Variants in DPYSL5 observed in about 807,000 individuals in gnomAD.
DPYSL5 encodes dihydropyrimidinase-related protein 5.
In DPYSL5, 9 loss-of-function variants were observed where a neutral mutation model predicts 58.4. That is an observed-to-expected ratio of 0.15 (90% CI 0.09 to 0.27). The LOEUF (loss-of-function observed/expected upper bound fraction) is 0.27, where lower values mean the gene tolerates loss of function less well. Among genes scored for constraint, DPYSL5 ranks in the 10% least tolerant of loss-of-function variants. The pLI, the probability that DPYSL5 is intolerant of heterozygous loss-of-function variation, is 1.00. For missense variants in DPYSL5, 499 were observed against 770.6 expected (o/e 0.65, Z 4.17); for synonymous variants, 293 against 301.9 (o/e 0.97, Z 0.31).
Position 26,940,027 on chromosome 2 carries a change from C to T in DPYSL5, c.948-4C>T. On this transcript the variant is annotated splice_polypyrimidine_tract_variant and splice_region_variant and intron_variant, in intron 8 of 12. Coordinates refer to ENST00000288699, the MANE Select transcript of DPYSL5 (RefSeq NM_020134.4). The stretch of plus-strand genomic sequence containing the variant: ...TTACTGGTCACCTCCTTTTCTCTAC[C>T]CAGTGACACTCTGAACATCGTGGCA... 1 of 1,614,140 alleles carries T rather than the reference C, an allele frequency of 6.2e-7. No homozygotes were observed. Among genetic ancestry groups the T allele is most frequent in the Non-Finnish European group, 8.5e-7 (1 of 1,180,004 alleles).
intron 1 of DPYSL5, among the ~76,000 whole-genome samples, chr2:26,896,511 C>T (rs755504667): frequency 6.6e-6 from 1 of 152,196 alleles, no homozygotes; most frequent in Non-Finnish European, 1.5e-5. Context: ...CAACAGTGTA[C>T]AAGAGTTCCC....
chr2:26,923,330 C>T (rs1452650978), intron 2 of DPYSL5, among the ~76,000 whole-genome samples: 1 of 152,140 alleles, frequency 6.6e-6, no homozygotes, highest in East Asian at 1.9e-4. Context: ...GACCCAGTCT[C>T]AAACAAAAAC....
Position 26,944,637 on chromosome 2 carries a change from T to C in DPYSL5, c.1441-19T>C. On this transcript the variant is annotated intron_variant, in intron 11 of 12. Transcript: ENST00000288699. The surrounding 1 kb of genome is among the most constrained non-coding windows in gnomAD (Gnocchi z 4.4). ...ATGGTGTTGTCCTGTTCTTCTGCTC[T>C]TCTTCCATCCTTCCCTAGACTTTAA... The C allele has an allele frequency of 6.2e-7, 1 of 1,611,472 alleles. No individual in the cohort carries two copies. Among genetic ancestry groups the C allele is most frequent in the Non-Finnish European group, 8.5e-7 (1 of 1,178,468 alleles).
intron 1 of DPYSL5, among the ~76,000 whole-genome samples, chr2:26,856,773 T>A (rs2148106096): frequency 6.6e-6 from 1 of 151,716 alleles, no homozygotes; most frequent in South Asian, 2.1e-4. Flanking sequence ...TCCTAAAGAC[T>A]GGCACAATAT....
Position 26,921,452 on chromosome 2 carries a change from C to A in DPYSL5, c.262-3435C>A, listed in dbSNP as rs1180216580. On this transcript the variant is annotated intron_variant, in intron 2 of 12. Transcript: ENST00000288699. Reference sequence around the variant, plus strand: ...CAATCACATGTTCTTAAACATCATCCTTTTGAAAGCCTCGGGAACACAATT... The same window carrying A: ...CAATCACATGTTCTTAAACATCATCATTTTGAAAGCCTCGGGAACACAATT... 2.6e-5 allele frequency among the ~76,000 whole-genome samples: 4 copies of A among 152,176 alleles called. No individual in the cohort carries two copies. In the East Asian group the frequency reaches 7.7e-4, roughly 29 times the overall value.
At chr2:26,848,989 G>T (rs1484935375) in intron 1 of DPYSL5, among the ~76,000 whole-genome samples, 1 of 152,184 alleles carries the variant, frequency 6.6e-6, no homozygotes, top group African/African-American at 2.4e-5. Flanking sequence ...TGGGGACGGG[G>T]CTGTAGTCTG....
rs1466356833 is a variant in DPYSL5 at position 26,890,924 on chromosome 2, C to T, written c.-4-7572C>T. Among the ~76,000 whole-genome samples the T allele has an allele frequency of 3.9e-5, 6 of 152,306 alleles. No individual in the cohort carries two copies. The East Asian group carries it at 1.2e-3, about 29-fold the overall frequency. ...CCAGGACACTAATCCTAGCAGATCA[C>T]GGCCCTGCCCTATGACCTCATTTAA... On this transcript the variant is annotated intron_variant, in intron 1 of 12. Transcript: ENST00000288699.
In DPYSL5 at chr2:26,942,485, G is replaced by A; in HGVS notation, c.1233-58G>A. 2 of 1,550,354 alleles carry A rather than the reference G, an allele frequency of 1.3e-6. No individual in the cohort carries two copies. Among genetic ancestry groups the A allele is most frequent in the South Asian group, 1.2e-5 (1 of 85,746 alleles). ...CTTTGGGGCTCACCCCTCCCATGGAGCTGTGACATTTTGACCTGTCCTCAG... is the reference window on the plus strand; with the variant it reads ...CTTTGGGGCTCACCCCTCCCATGGAACTGTGACATTTTGACCTGTCCTCAG... On this transcript the variant is annotated intron_variant, in intron 10 of 12. Coordinates refer to ENST00000288699, the MANE Select transcript of DPYSL5 (RefSeq NM_020134.4). The surrounding 1 kb of genome is among the most constrained non-coding windows in gnomAD (Gnocchi z 5.9).
chr2:26,934,531 C>G lies in DPYSL5; in HGVS notation c.791-47C>G. The G allele has an allele frequency of 6.3e-7, 1 of 1,589,490 alleles. No individual in the cohort carries two copies. The highest frequency in any genetic ancestry group is 8.6e-7 in the Non-Finnish European group (1 of 1,166,958). On this transcript the variant is annotated intron_variant, in intron 7 of 12. Coordinates refer to ENST00000288699, the MANE Select transcript of DPYSL5 (RefSeq NM_020134.4). The surrounding 1 kb of genome is among the most constrained non-coding windows in gnomAD (Gnocchi z 4.3). ...TGAGAGGCACACACCAGCGATCGCT[C>G]AGGTTCGGTGGCTTCCTGGTTATGG...
At chr2:26,915,726 C>CA (rs1408015913) in intron 2 of DPYSL5, among the ~76,000 whole-genome samples, 1 of 151,864 alleles carries the variant, frequency 6.6e-6, no homozygotes, top group African/African-American at 2.4e-5. Flanking sequence ...TGATTTCCCC[C>CA]AAAACCTTCC....
chr2:26,921,601 T>C (rs1266915278), intron 2 of DPYSL5, among the ~76,000 whole-genome samples: 1 of 152,192 alleles, frequency 6.6e-6, no homozygotes, highest in Non-Finnish European at 1.5e-5. Flanking sequence ...ATCCTGTGGG[T>C]TGGAATGGTA....
chr2:26,909,093 A>G lies in DPYSL5; in HGVS notation c.261+10333A>G, dbSNP rs1006362838. On this transcript the variant is annotated intron_variant, in intron 2 of 12. Transcript: ENST00000288699. ...TAGAAATTTGCGTAGGTGCCAGATC[A>G]TCTCCCCTGGATAGTTTCAGCCTCA... Among the ~76,000 whole-genome samples the G allele has an allele frequency of 2.6e-5, 4 of 152,172 alleles. No individual in the cohort carries two copies. In the East Asian group the frequency reaches 7.7e-4, roughly 29 times the overall value.
chr2:26,933,446 C>A lies in DPYSL5; in HGVS notation c.790+113C>A. Reference sequence around the variant, plus strand: ...CCGGCTCCTGAAACCAGGACCTGAGCCAGCCCTTCCCTTTCATCTGCCACC... The same window carrying A: ...CCGGCTCCTGAAACCAGGACCTGAGACAGCCCTTCCCTTTCATCTGCCACC... On this transcript the variant is annotated intron_variant, in intron 7 of 12. Coordinates refer to ENST00000288699, the MANE Select transcript of DPYSL5 (RefSeq NM_020134.4). This position sits in a 1 kb window ranked among gnomAD's most constrained non-coding sequence, Gnocchi z 4.2. The A allele has an allele frequency of 1.1e-6, 1 of 925,650 alleles. No homozygotes were observed. Among genetic ancestry groups the A allele is most frequent in the Non-Finnish European group, 1.7e-6 (1 of 585,714 alleles). The allele number at this position is 925,650 out of a possible 1,614,324, so 57.3% of individuals were successfully genotyped here. A position where few individuals can be genotyped will look rare whatever the true frequency, so the allele number is the denominator to read the frequency against.
chr2:26,942,191 T>G lies in DPYSL5; in HGVS notation c.1232+99T>G. 2 of 1,537,240 alleles carry G rather than the reference T, an allele frequency of 1.3e-6. No homozygotes were observed. The highest frequency in any genetic ancestry group is 1.8e-6 in the Non-Finnish European group (2 of 1,136,712). On this transcript the variant is annotated intron_variant, in intron 10 of 12. Transcript: ENST00000288699. This position sits in a 1 kb window ranked among gnomAD's most constrained non-coding sequence, Gnocchi z 5.9. Reference sequence around the variant, plus strand: ...AAAGCATATAATTTTGCACTATTTCTAGCACAAAATATGGCCCTGGCCTAC... The same window carrying G: ...AAAGCATATAATTTTGCACTATTTCGAGCACAAAATATGGCCCTGGCCTAC...
chr2:26,883,744 T>A (rs374162588), intron 1 of DPYSL5, among the ~76,000 whole-genome samples: 135 of 152,298 alleles, frequency 8.9e-4, no homozygotes, highest in Non-Finnish European at 1.1e-3. Flanking sequence ...AACTATTGTT[T>A]GCAAGATGCT....
Position 26,933,745 on chromosome 2 carries a change from C to T in DPYSL5, c.790+412C>T, listed in dbSNP as rs1330682268. 6.6e-6 allele frequency among the ~76,000 whole-genome samples: 1 copy of T among 152,156 alleles called. No individual in the cohort carries two copies. The highest frequency in any genetic ancestry group is 1.5e-5 in the Non-Finnish European group (1 of 68,036). ...GTTTGGGAAGTCCCTAAAGAAAGAACAGTGTGTGGGCCCAGCTTCCTTTTA... is the reference window on the plus strand; with the variant it reads ...GTTTGGGAAGTCCCTAAAGAAAGAATAGTGTGTGGGCCCAGCTTCCTTTTA... On this transcript the variant is annotated intron_variant, in intron 7 of 12. Transcript: ENST00000288699. The surrounding 1 kb of genome is among the most constrained non-coding windows in gnomAD (Gnocchi z 4.2).
rs140591019 is a variant in DPYSL5, at chr2:26,927,429, C to T, written c.597C>T (p.Ala199=). 2.1e-3 allele frequency: 3,399 copies of T among 1,613,476 alleles called. 7 individuals are homozygous for T. The highest frequency in any genetic ancestry group is 1.7e-3 in the Non-Finnish European group (2,033 of 1,179,704). ...ATGCTGAAAATGGGGAGCTTGTGGC[C>T]GAGGCAAGTCTGCAGCCAAGAATAT... ...RVHAENGELV[A]EGAKEALDLG... The change falls in exon 4 of 13, where the codon GCC becomes GCT. Residue 199 remains alanine, a synonymous_variant. Coordinates refer to ENST00000288699, the MANE Select transcript of DPYSL5 (RefSeq NM_020134.4). The surrounding 1 kb of genome is among the most constrained non-coding windows in gnomAD (Gnocchi z 4.3).
intron 6 of DPYSL5, among the ~76,000 whole-genome samples, chr2:26,932,185 A>AAGAAAGAAAGAC (rs1553321117): frequency 0.051 from 3,567 of 70,202 alleles, 154 homozygotes; most frequent in Admixed American, 0.066. Context: ...GAAAGAAAGA[A>AAGAAAGAAAGAC]AGAAAGAAAG....
intron 1 of DPYSL5, among the ~76,000 whole-genome samples, chr2:26,886,173 A>G (rs1263201694): frequency 2.0e-5 from 3 of 152,366 alleles, no homozygotes; most frequent in East Asian, 3.8e-4. Context: ...CTGAGCAGGT[A>G]AAGTTTGATT....
Sources: gnomAD v4.1 joint callset for allele counts (sites outside exome capture counted in the v4.1 genomes callset) on GRCh38, gnomAD v4.1.1 for gene constraint, Gnocchi (gnomAD v3.1) non-coding constraint, MANE v1.5 for transcripts, NCBI Gene and HGNC (gene_info 2026-07-23, HGNC 2026-07-21) for gene names.